The following ADGRB3 variants were observed in gnomAD, a reference collection of about 807,000 sequenced individuals.
ADGRB3 encodes the protein brain-specific angiogenesis inhibitor 3.
In ADGRB3, 37 loss-of-function variants were observed where a neutral mutation model predicts 193.4. The ratio of observed to expected loss-of-function variants is 0.19; its 90% confidence interval spans 0.15 to 0.25. ADGRB3 has a LOEUF of 0.25. Ranked by LOEUF, ADGRB3 falls within the 10% of genes least tolerant of loss-of-function variation. The pLI, the probability that ADGRB3 is intolerant of heterozygous loss-of-function variation, is 1.00. For synonymous variants in ADGRB3, 690 were observed against 644.2 expected (o/e 1.07, Z -1.08); for missense variants, 1,637 against 1,852.9 (o/e 0.88, Z 2.14).
chr6:69,024,029 CAAATCTAT>C (rs141814920), intron 13 of ADGRB3, among the ~76,000 whole-genome samples: 2,345 of 151,982 alleles, frequency 0.015, 28 homozygotes, highest in Middle Eastern at 0.031. Flanking sequence ...TTAGAGGAGT[CAAATCTAT>C]AAATACACAT....
chr6:68,838,203 G>A (rs1025277080), intron 3 of ADGRB3, among the ~76,000 whole-genome samples: 1 of 152,066 alleles, frequency 6.6e-6, no homozygotes, highest in East Asian at 1.9e-4. Context: ...GAACCTTCAT[G>A]CATTATCAAC....
In ADGRB3 at chr6:69,065,762, T is replaced by TACACAC. The variant is rs1307673486; in HGVS notation, c.2436+2727_2436+2728insCACACA. 5.3e-3 allele frequency among the ~76,000 whole-genome samples: 655 copies of TACACAC among 124,734 alleles called. 2 individuals carry two copies. Among genetic ancestry groups the TACACAC allele is most frequent in the Non-Finnish European group, 6.7e-3 (381 of 56,490 alleles). 81.8% of individuals were successfully genotyped at this position (124,734 alleles called of 152,430 possible). On this transcript the variant is annotated intron_variant, in intron 16 of 31. Coordinates refer to ENST00000370598, the MANE Select transcript of ADGRB3 (RefSeq NM_001704.3). ...AACAAGCCTGAACTTCATGTATATA[T>TACACAC]ATACACACACACACACACACACACA...
At chr6:69,260,451 T>TA (rs1172259258) in intron 20 of ADGRB3, among the ~76,000 whole-genome samples, 4 of 152,168 alleles carry the variant, frequency 2.6e-5, no homozygotes, top group Non-Finnish European at 4.4e-5. Context: ...TTTGTATTAA[T>TA]ATTAGGACTT....
At chr6:68,994,017 G>T (rs1254444330) in intron 11 of ADGRB3, 55 bp downstream of exon 11, 1 of 1,571,620 alleles carries the variant, frequency 6.4e-7, no homozygotes, top group Non-Finnish European at 8.7e-7. Context: ...ATCAGTTTTT[G>T]GTCCCACGAA....
intron 5 of ADGRB3, 22 bp downstream of exon 5, chr6:68,936,702 A>G (rs780437005): frequency 2.5e-6 from 4 of 1,599,926 alleles, no homozygotes; most frequent in South Asian, 2.2e-5. Flanking sequence ...AGCAACTACA[A>G]CTGTGGATGT....
chr6:69,324,755 G>T (rs1418526619), intron 20 of ADGRB3, 117 bp from the exon 21 acceptor site: 1 of 1,136,850 alleles, frequency 8.8e-7, no homozygotes, highest in Non-Finnish European at 1.2e-6. Flanking sequence ...TGTCACTGAG[G>T]AGAAGTAGAT....
intron 29 of ADGRB3, among the ~76,000 whole-genome samples, chr6:69,363,175 T>A (rs1769489350): frequency 6.6e-6 from 1 of 151,992 alleles, no homozygotes; most frequent in Admixed American, 6.6e-5. Context: ...TTCCGTATCC[T>A]TATTATTAAG....
chr6:68,759,252 G>A (rs961444548), intron 3 of ADGRB3, among the ~76,000 whole-genome samples: 6 of 151,844 alleles, frequency 4.0e-5, no homozygotes, highest in African/African-American at 1.5e-4. Flanking sequence ...CCAATAAAAA[G>A]CATTTATTTT....
chr6:69,130,074 C>A (rs1177398518), intron 17 of ADGRB3, among the ~76,000 whole-genome samples: 1 of 152,028 alleles, frequency 6.6e-6, no homozygotes, highest in African/African-American at 2.4e-5. Flanking sequence ...CCTCACGGTT[C>A]TGGAGGCTGA....
chr6:68,801,984 T>C (rs1004604091), intron 3 of ADGRB3, among the ~76,000 whole-genome samples: 1 of 152,166 alleles, frequency 6.6e-6, no homozygotes, highest in Admixed American at 6.5e-5. Context: ...CCCCAAAAAA[T>C]TGTATCATAG....
At chr6:69,302,196 G>C (rs963399920) in intron 20 of ADGRB3, among the ~76,000 whole-genome samples, 16 of 151,834 alleles carry the variant, frequency 1.1e-4, no homozygotes, top group African/African-American at 3.9e-4. Context: ...AGAAAGGAAA[G>C]GAAGCAAGCA....
At chr6:68,735,313 C>T (rs1178684090) in intron 3 of ADGRB3, among the ~76,000 whole-genome samples, 1 of 151,774 alleles carries the variant, frequency 6.6e-6, no homozygotes, top group African/African-American at 2.4e-5. Context: ...CTGAAAGTTT[C>T]ATCAGTGCTT....
intron 17 of ADGRB3, among the ~76,000 whole-genome samples, chr6:69,219,980 G>C (rs1342946850): frequency 2.0e-5 from 3 of 151,946 alleles, no homozygotes; most frequent in African/African-American, 7.2e-5. Context: ...GACAGAGAAG[G>C]CTTTTCCATT....
intron 3 of ADGRB3, among the ~76,000 whole-genome samples, chr6:68,921,334 G>A (rs941430900): frequency 4.6e-5 from 7 of 152,190 alleles, no homozygotes; most frequent in African/African-American, 1.4e-4. Context: ...TAGCAGACAA[G>A]TGTATCAACA....
intron 17 of ADGRB3, among the ~76,000 whole-genome samples, chr6:69,168,827 C>G (rs1183023770): frequency 6.6e-6 from 1 of 152,026 alleles, no homozygotes; most frequent in African/African-American, 2.4e-5. Context: ...GAAAAATCAG[C>G]ATGTAATTCA....
rs759277933 is a variant in ADGRB3, at chr6:69,235,023, A to G, written c.2608-9A>G. 6.3e-7 allele frequency: 1 copy of G among 1,592,726 alleles called. No individual in the cohort carries two copies. The highest frequency in any genetic ancestry group is 1.7e-5 in the Admixed American group (1 of 58,510). ...AATTTGTTTCTTTTTTGTTTTGTTTAATTCACAGATCATGGAATCCTCTGG... is the reference window on the plus strand; with the variant it reads ...AATTTGTTTCTTTTTTGTTTTGTTTGATTCACAGATCATGGAATCCTCTGG... On this transcript the variant is annotated splice_polypyrimidine_tract_variant and intron_variant, in intron 18 of 31. Coordinates refer to ENST00000370598, the MANE Select transcript of ADGRB3 (RefSeq NM_001704.3).
chr6:68,714,966 G>T (rs1472330285), intron 3 of ADGRB3, among the ~76,000 whole-genome samples: 1 of 151,760 alleles, frequency 6.6e-6, no homozygotes, highest in Non-Finnish European at 1.5e-5. Flanking sequence ...AATCAAATGA[G>T]TTAGTGCACA....
intron 3 of ADGRB3, among the ~76,000 whole-genome samples, chr6:68,786,694 G>T (rs1353809335): frequency 6.6e-6 from 1 of 151,424 alleles, no homozygotes; most frequent in Non-Finnish European, 1.5e-5. Context: ...TGTGAAGAAA[G>T]TCATTGGTAG....
At chr6:68,870,823 T>A (rs1040996246) in intron 3 of ADGRB3, among the ~76,000 whole-genome samples, 4 of 152,158 alleles carry the variant, frequency 2.6e-5, no homozygotes, top group Middle Eastern at 3.2e-3. Flanking sequence ...ATCTGTGATG[T>A]GTTTAGAAGA....
Sources: gnomAD v4.1 joint callset for allele counts (sites outside exome capture counted in the v4.1 genomes callset) on GRCh38, gnomAD v4.1.1 for gene constraint, MANE v1.5 for transcripts, NCBI Gene and HGNC (gene_info 2026-07-23, HGNC 2026-07-21) for gene names.